NUFIP2: variants seen among roughly 807,000 people sequenced by gnomAD.
The protein encoded by NUFIP2 is nuclear FMR1 interacting protein 2, also known as FMR1-interacting protein NUFIP2.
Under a neutral mutation model 56.9 loss-of-function variants are expected in NUFIP2, and 6 were observed. The observed-to-expected ratio is 0.11, with a 90% CI of 0.06 to 0.21. The LOEUF is 0.21. Ranked by LOEUF, NUFIP2 falls within the 10% of genes least tolerant of loss-of-function variation. The pLI, the probability that NUFIP2 is intolerant of heterozygous loss-of-function variation, is 1.00. For synonymous variants in NUFIP2, 321 were observed against 298.2 expected, an observed-to-expected ratio of 1.08 and a Z score of -0.79; for missense variants, 828 against 826.8, an observed-to-expected ratio of 1.00 and a Z score of -0.02.
intron 2 of NUFIP2, among the ~76,000 whole-genome samples, chr17:29,285,399 T>C (rs537463947): frequency 2.6e-5 from 4 of 152,054 alleles, no homozygotes; most frequent in South Asian, 4.1e-4. Context: ...AAGACCATCC[T>C]GGCCAACATG....
chr17:29,274,976 T>C (rs184412260), intron 2 of NUFIP2, among the ~76,000 whole-genome samples: 1 of 152,186 alleles, frequency 6.6e-6, no homozygotes, highest in African/African-American at 2.4e-5. Context: ...CAATTTAATA[T>C]ACATAGAATT....
At position 29,287,116 on chromosome 17, in the gene NUFIP2, T is replaced by C. The variant is rs1244913066; in HGVS notation, c.878A>G (p.Lys293Arg). ...CCGAAGCATATCACCCACAGCAGGT[T>C]TTCCTCGACTTGTTCCTCCAGGCCC... ...ETGPGGTSRGKPAVGDMLRKS... is the reference protein window; with the variant it reads ...ETGPGGTSRGRPAVGDMLRKS... The change falls in exon 2 of 4, where the codon AAA becomes AGA. Residue 293 changes from lysine (K) to arginine (R), a missense_variant. Transcript: ENST00000225388. 3.1e-6 allele frequency: 5 copies of C among 1,614,050 alleles called. No individual in the cohort carries two copies. The highest frequency in any genetic ancestry group is 1.6e-4 in the Middle Eastern group (1 of 6,084).
chr17:29,286,841 A>G lies in NUFIP2; in HGVS notation c.1153T>C (p.Ser385Pro), dbSNP rs113272320. The change falls in exon 2 of 4, where the codon TCA becomes CCA. Residue 385 changes from serine (S) to proline (P), a missense_variant. Coordinates refer to ENST00000225388, the MANE Select transcript of NUFIP2 (RefSeq NM_020772.3). ...VSPTSSSSSS[S>P]STGETQTQSS... Reference sequence around the variant, plus strand: ...TGGGTCTGAGTTTCCCCGGTAGATGATGAAGATGATGAAGATGAAGTTGGT... The same window carrying G: ...TGGGTCTGAGTTTCCCCGGTAGATGGTGAAGATGATGAAGATGAAGTTGGT... 6.2e-7 allele frequency: 1 copy of G among 1,613,888 alleles called. No individual in the cohort carries two copies. The highest frequency in any genetic ancestry group is 2.2e-5 in the East Asian group (1 of 44,874).
intron 2 of NUFIP2, 138 bp from the exon 3 acceptor site, chr17:29,267,668 A>T: frequency 3.6e-6 from 2 of 550,354 alleles, no homozygotes; most frequent in Non-Finnish European, 6.4e-6. Context: ...AAATTCTATG[A>T]AGTTCAGATA....
Position 29,287,424 on chromosome 17 carries a change from C to T in NUFIP2, c.570G>A (p.Val190=). The change falls in exon 2 of 4, where the codon GTG becomes GTA. Residue 190 remains valine (V), a synonymous_variant. Transcript: ENST00000225388. The part of the protein sequence containing the change: ...KSDTIPIPNG[V]VTNNSGYITN... ...TAATATAACCAGAATTATTTGTTAC[C>T]ACACCATTTGGAATTGGTATAGTAT... is the stretch of plus-strand genomic sequence containing the variant. 1 of 1,613,896 alleles carries T rather than the reference C, an allele frequency of 6.2e-7. No individual in the cohort carries two copies. Among genetic ancestry groups the T allele is most frequent in the Admixed American group, 1.7e-5 (1 of 60,000 alleles).
At chr17:29,293,748 CAA>C in intron 1 of NUFIP2, 33 bp downstream of exon 1, 3 of 1,393,206 alleles carry the variant, frequency 2.2e-6, no homozygotes, top group East Asian at 2.4e-5. Flanking sequence ...CCTCCACCCC[CAA>C]CCCCCTTCCC....
chr17:29,288,457 T>C (rs565180751), intron 1 of NUFIP2, among the ~76,000 whole-genome samples: 2 of 152,360 alleles, frequency 1.3e-5, no homozygotes, highest in South Asian at 4.1e-4. Flanking sequence ...AAACCATAAA[T>C]AGCTGGTAGT....
In NUFIP2 at chr17:29,284,289, TCAAAAG is replaced by T. The variant is rs1387411252; in HGVS notation, c.2002+1697_2002+1702del. On this transcript the variant is annotated intron_variant, in intron 2 of 3. Transcript: ENST00000225388. ...ATGGGAAGACTGAAACCCACTGTTC[TCAAAAG>T]CAAAAGGATATAAACATCATCGTTA... is the stretch of plus-strand genomic sequence containing the variant. Among the ~76,000 whole-genome samples, 15 of 152,352 alleles carry T rather than the reference TCAAAAG, an allele frequency of 9.8e-5. No individual in the cohort carries two copies. The East Asian group carries it at 1.5e-3, about 16-fold the overall frequency.
intron 1 of NUFIP2, among the ~76,000 whole-genome samples, chr17:29,292,512 G>C (rs2069220973): frequency 6.6e-6 from 1 of 151,452 alleles, no homozygotes; most frequent in South Asian, 2.1e-4. Context: ...CGAGGTTCCT[G>C]TGGCAGAGAA....
rs776550231 is a variant in NUFIP2, at chr17:29,286,079, T to C, written c.1915A>G (p.Lys639Glu). ...SPTNTLLGSA[K>E]EQRYQRGLER... ...AGGCCTCTCTGGTATCTCTGTTCTT[T>C]GGCAGAGCCTAACAAAGTGTTCGTA... Residue 639 changes from lysine to glutamate, a missense_variant, in exon 2 of 4, where the codon AAA becomes GAA. Physicochemically the swap from Lys to Glu is moderately conservative, Grantham distance 56. Coordinates refer to ENST00000225388, the MANE Select transcript of NUFIP2 (RefSeq NM_020772.3). 3.1e-6 allele frequency: 5 copies of C among 1,613,996 alleles called. No homozygotes were observed. Among genetic ancestry groups the C allele is most frequent in the African/African-American group, 2.7e-5 (2 of 75,052 alleles).
At chr17:29,285,201 G>T (rs1003622508) in intron 2 of NUFIP2, among the ~76,000 whole-genome samples, 1 of 152,182 alleles carries the variant, frequency 6.6e-6, no homozygotes, top group African/African-American at 2.4e-5. Context: ...TCGGGAGGCT[G>T]AGGCAGGAGA....
At position 29,286,583 on chromosome 17, in the gene NUFIP2, G is replaced by A. The variant is rs2069175908; in HGVS notation, c.1411C>T (p.Leu471Phe). The change falls in exon 2 of 4, where the codon CTT becomes TTT. Residue 471 changes from leucine (L) to phenylalanine (F), a missense_variant. Physicochemically the swap from Leu to Phe is conservative, Grantham distance 22 (BLOSUM62 0). Coordinates refer to ENST00000225388, the MANE Select transcript of NUFIP2 (RefSeq NM_020772.3). ...TGCATATTTGAAGGATAGATAAAAAGGCTAGTCTTAATTTGTTCAACAGCT... is the reference window on the plus strand; with the variant it reads ...TGCATATTTGAAGGATAGATAAAAAAGCTAGTCTTAATTTGTTCAACAGCT... ...SAAVEQIKTS[L>F]FIYPSNMQTM... The A allele has an allele frequency of 6.2e-7, 1 of 1,614,032 alleles. No individual in the cohort carries two copies. The highest frequency in any genetic ancestry group is 8.5e-7 in the Non-Finnish European group (1 of 1,180,048).
rs1323180034 is a variant in NUFIP2 at position 29,292,722 on chromosome 17, C to G, written c.277+1061G>C. Among the ~76,000 whole-genome samples the G allele has an allele frequency of 2.7e-5, 4 of 150,658 alleles. No individual in the cohort carries two copies. The East Asian group carries it at 7.9e-4, about 30-fold the overall frequency. The stretch of plus-strand genomic sequence containing the variant: ...CCGACTGCCCGCGCCTCCCGCCGCA[C>G]CCGGGAGCGGGAAACGCGGCCGCTG... On this transcript the variant is annotated intron_variant, in intron 1 of 3. Transcript: ENST00000225388.
rs1457741307 is a variant in NUFIP2 at position 29,286,165 on chromosome 17, C to T, written c.1829G>A (p.Gly610Asp). 1.7e-5 allele frequency: 27 copies of T among 1,613,978 alleles called. No homozygotes were observed. In the Admixed American group the frequency reaches 3.8e-4, roughly 23 times the overall value. Residue 610 changes from glycine (G) to aspartate (D), a missense_variant, in exon 2 of 4, where the codon GGT becomes GAT. Physicochemically the swap from Gly to Asp is moderately conservative, Grantham distance 94. Coordinates refer to ENST00000225388, the MANE Select transcript of NUFIP2 (RefSeq NM_020772.3). The stretch of plus-strand genomic sequence containing the variant: ...GTCCTTTGAGAGAAACACTAAAGCA[C>T]CTTGACTACTGGTGTCTGCTTTCTG... ...DLQKADTSSQ[G>D]ALVFLSKDYE...
intron 1 of NUFIP2, among the ~76,000 whole-genome samples, chr17:29,289,536 G>A (rs139441369): frequency 3.3e-5 from 5 of 152,124 alleles, no homozygotes; most frequent in African/African-American, 9.6e-5. Context: ...AGGTTGCAGT[G>A]AGCCCACATT....
intron 2 of NUFIP2, among the ~76,000 whole-genome samples, chr17:29,276,463 G>C (rs1276316150): frequency 6.6e-6 from 1 of 152,074 alleles, no homozygotes; most frequent in African/African-American, 2.4e-5. Context: ...CTCCTGAGTA[G>C]CTGGGACTAC....
At chr17:29,274,385 A>G (rs1460983272) in intron 2 of NUFIP2, among the ~76,000 whole-genome samples, 1 of 152,166 alleles carries the variant, frequency 6.6e-6, no homozygotes, top group Admixed American at 6.6e-5. Flanking sequence ...AAGCAAGAGG[A>G]TTGCTCGAGT....
chr17:29,271,007 A>C (rs1223991265), intron 2 of NUFIP2, among the ~76,000 whole-genome samples: 4 of 152,194 alleles, frequency 2.6e-5, no homozygotes, highest in Non-Finnish European at 5.9e-5. Flanking sequence ...CATATTTTAG[A>C]ATAAAGAAGG....
At chr17:29,272,705 G>C (rs931963784) in intron 2 of NUFIP2, among the ~76,000 whole-genome samples, 3 of 152,068 alleles carry the variant, frequency 2.0e-5, no homozygotes, top group Non-Finnish European at 4.4e-5. Context: ...TTAGATTTTG[G>C]AATGTTTCCA....
Sources: allele counts gnomAD v4.1 joint callset (sites outside exome capture counted in the v4.1 genomes callset), GRCh38; gene constraint gnomAD v4.1.1; transcripts MANE v1.5; gene names NCBI Gene and HGNC (gene_info 2026-07-23, HGNC 2026-07-21).